The following COL27A1 variants were observed in gnomAD, a reference collection of about 807,000 sequenced individuals.
COL27A1 encodes collagen alpha-1(XXVII) chain.
COL27A1 carries 106 observed loss-of-function variants against 251.3 expected under a neutral mutation model. That is an observed-to-expected ratio of 0.42 (90% confidence interval 0.36 to 0.50). The LOEUF is 0.50. Ranked by LOEUF, COL27A1 falls within the 20% of genes least tolerant of loss-of-function variation. The probability of loss-of-function intolerance (pLI) is 0.00; values close to 1 mark genes in which losing one functional copy is unlikely to be tolerated. For synonymous variants in COL27A1, 1,000 were observed against 986.3 expected, an observed-to-expected ratio of 1.01 and a Z score of -0.26; for missense variants, 2,325 against 2,522.8, an observed-to-expected ratio of 0.92 and a Z score of 1.68.
intron 2 of COL27A1, 116 bp downstream of exon 2, chr9:114,162,901 A>T: frequency 1.4e-6 from 1 of 703,888 alleles, no homozygotes; most frequent in Middle Eastern, 2.5e-4. Flanking sequence ...CAGTTTTCCC[A>T]TCAGTAGAAT....
chr9:114,168,300 C>T lies in COL27A1; in HGVS notation c.745C>T (p.Leu249Phe). Residue 249 changes from leucine (L) to phenylalanine (F), a missense_variant, in exon 3 of 61, where the codon CTC becomes TTC. Physicochemically the swap from Leu to Phe is conservative, Grantham distance 22. Transcript: ENST00000356083. ...CACGTACCAGTCCCCACTGGGACCTCTCTTCTCCCAAGACTCTGGCAGACC... is the reference window on the plus strand; with the variant it reads ...CACGTACCAGTCCCCACTGGGACCTTTCTTCTCCCAAGACTCTGGCAGACC... Reference protein sequence around the residue: ...ADTYQSPLGPLFSQDSGRPFT... With the variant: ...ADTYQSPLGPFFSQDSGRPFT... 1.2e-6 allele frequency: 2 copies of T among 1,613,520 alleles called. No homozygotes were observed. The highest frequency in any genetic ancestry group is 1.1e-5 in the South Asian group (1 of 91,086).
At chr9:114,231,749 G>C (rs988919563) in intron 15 of COL27A1, 73 bp from the exon 16 acceptor site, 3 of 1,487,746 alleles carry the variant, frequency 2.0e-6, no homozygotes, top group African/African-American at 2.8e-5. Flanking sequence ...GCAGCAAGTC[G>C]TGTTTAAGCC....
intron 24 of COL27A1, among the ~76,000 whole-genome samples, chr9:114,246,621 A>T (rs532528706): frequency 6.6e-6 from 1 of 152,128 alleles, no homozygotes; most frequent in South Asian, 2.1e-4. Flanking sequence ...GGCTTCCTCA[A>T]TCCGGAAGGA....
intron 15 of COL27A1, 24 bp downstream of exon 15, chr9:114,231,156 T>C: frequency 6.2e-7 from 1 of 1,612,162 alleles, no homozygotes; most frequent in Middle Eastern, 1.7e-4. Context: ...GTTCCCCCGA[T>C]TCAGGCCTTG....
chr9:114,245,152 T>TG (rs200019697), intron 23 of COL27A1, among the ~76,000 whole-genome samples: 24,328 of 126,588 alleles, frequency 0.19, 2,580 homozygotes, highest in East Asian at 0.51. Context: ...ATTCTTGTTT[T>TG]TTTTTTTTTT....
rs1385871623 is a variant in COL27A1, at chr9:114,252,901, G to A, written c.3110G>A (p.Gly1037Asp). 2 of 1,613,944 alleles carry A rather than the reference G, an allele frequency of 1.2e-6. No homozygotes were observed. Among genetic ancestry groups the A allele is most frequent in the Non-Finnish European group, 1.7e-6 (2 of 1,179,894 alleles). The part of the protein sequence containing the change: ...GSMGHPGMPG[G>D]MGTPGEPGPQ... ...CAGGGTCATCCTGGAATGCCAGGTG[G>A]TATGGGGACCCCTGGAGAGCCTGGA... is the stretch of plus-strand genomic sequence containing the variant. Residue 1037 changes from glycine to aspartate, a missense_variant, in exon 27 of 61, where the codon GGT becomes GAT. Physicochemically the swap from Gly to Asp is moderately conservative, Grantham distance 94. Transcript: ENST00000356083.
intron 3 of COL27A1, among the ~76,000 whole-genome samples, chr9:114,173,115 G>A (rs1386404228): frequency 1.3e-5 from 2 of 152,118 alleles, no homozygotes; most frequent in East Asian, 3.9e-4. Flanking sequence ...CCAGGAGGGG[G>A]GAACATGGAA....
chr9:114,170,783 G>T (rs1057222042), intron 3 of COL27A1, among the ~76,000 whole-genome samples: 2 of 152,244 alleles, frequency 1.3e-5, no homozygotes, highest in African/African-American at 4.8e-5. Context: ...AAAGAACGAG[G>T]AACCCTTTTC....
chr9:114,285,623 C>T (rs1827419382), intron 41 of COL27A1, among the ~76,000 whole-genome samples: 1 of 152,192 alleles, frequency 6.6e-6, no homozygotes, highest in African/African-American at 2.4e-5. Context: ...GCCCGGCGTG[C>T]TGCCCAGCCG....
intron 14 of COL27A1, among the ~76,000 whole-genome samples, chr9:114,224,908 C>T (rs770048346): frequency 1.8e-4 from 27 of 152,050 alleles, no homozygotes; most frequent in Non-Finnish European, 3.2e-4. Flanking sequence ...CTGCCCACCT[C>T]GACCTCCCAA....
chr9:114,223,755 C>T (rs907083312), intron 14 of COL27A1, among the ~76,000 whole-genome samples: 1 of 152,146 alleles, frequency 6.6e-6, no homozygotes, highest in Admixed American at 6.5e-5. Flanking sequence ...CCCTATGCCT[C>T]GGTTTCTTCA....
At chr9:114,248,988 G>A (rs543800850) in intron 24 of COL27A1, among the ~76,000 whole-genome samples, 1 of 152,326 alleles carries the variant, frequency 6.6e-6, no homozygotes, top group Admixed American at 6.5e-5. Context: ...GGGAAAGAGC[G>A]AACATGTATG....
intron 41 of COL27A1, among the ~76,000 whole-genome samples, chr9:114,286,277 G>C (rs1420228738): frequency 1.3e-5 from 2 of 152,112 alleles, no homozygotes; most frequent in Non-Finnish European, 2.9e-5. Context: ...TTCTTTCCCT[G>C]CCATTCCTCC....
In COL27A1 at chr9:114,290,991, C is replaced by T; in HGVS notation, c.4476+74C>T. On this transcript the variant is annotated intron_variant, in intron 48 of 60. Coordinates refer to ENST00000356083, the MANE Select transcript of COL27A1 (RefSeq NM_032888.4). This position sits in a 1 kb window ranked among gnomAD's most constrained non-coding sequence, Gnocchi z 4.6. ...GATGCAGACTCTAGTGGTTCCGACC[C>T]TTTGGGCACCCATGTCCCAGGGCCT... is the stretch of plus-strand genomic sequence containing the variant. 1 of 1,115,444 alleles carries T rather than the reference C, an allele frequency of 9.0e-7. No individual in the cohort carries two copies. The highest frequency in any genetic ancestry group is 1.3e-6 in the Non-Finnish European group (1 of 775,996). 69.1% of individuals were successfully genotyped at this position (1,115,444 alleles called of 1,614,324 possible). A position where few individuals can be genotyped will look rare whatever the true frequency, so the allele number is the denominator to read the frequency against.
intron 28 of COL27A1, among the ~76,000 whole-genome samples, chr9:114,259,122 A>G (rs1427604672): frequency 6.6e-6 from 1 of 152,208 alleles, no homozygotes; most frequent in African/African-American, 2.4e-5. Flanking sequence ...GCAGTGCTTG[A>G]GTTGATGCCA....
chr9:114,222,401 C>T (rs953149245), intron 14 of COL27A1, 134 bp downstream of exon 14: 78 of 472,246 alleles, frequency 1.7e-4, no homozygotes, highest in Non-Finnish European at 2.4e-4. Flanking sequence ...CCCAGAGGGG[C>T]TGGGGGGCCA....
intron 13 of COL27A1, among the ~76,000 whole-genome samples, chr9:114,221,386 C>T (rs1274598545): frequency 1.3e-5 from 2 of 152,176 alleles, no homozygotes; most frequent in African/African-American, 4.8e-5. Flanking sequence ...CTGCGAGTTT[C>T]CTTGGCGAGC....
chr9:114,244,151 A>T (rs903044247), intron 23 of COL27A1, among the ~76,000 whole-genome samples: 1 of 151,962 alleles, frequency 6.6e-6, no homozygotes, highest in Non-Finnish European at 1.5e-5. Context: ...GCAGTGGCTC[A>T]CACCTGTAAT....
intron 34 of COL27A1, chr9:114,268,885 G>A (rs1834926386): frequency 1.0e-5 from 2 of 194,308 alleles, no homozygotes; most frequent in Non-Finnish European, 2.1e-5. Flanking sequence ...GCAGTGAGCT[G>A]TGATTACCCC....
Sources: allele counts gnomAD v4.1 joint callset (sites outside exome capture counted in the v4.1 genomes callset), GRCh38; gene constraint gnomAD v4.1.1; non-coding constraint Gnocchi (gnomAD v3.1); transcripts MANE v1.5; gene names NCBI Gene and HGNC (gene_info 2026-07-23, HGNC 2026-07-21).